USHBP1: variants seen among roughly 807,000 people sequenced by gnomAD.
USHBP1 encodes harmonin-binding protein USHBP1.
In USHBP1, 67 loss-of-function variants were observed where a neutral mutation model predicts 76.2. The ratio of observed to expected loss-of-function variants is 0.88; its 90% CI spans 0.72 to 1.08. The LOEUF (loss-of-function observed/expected upper bound fraction) is 1.08, where lower values mean the gene tolerates loss of function less well. Ranked by LOEUF, USHBP1 falls within the 50% of genes least tolerant of loss-of-function variation. The pLI, the probability that USHBP1 is intolerant of heterozygous loss-of-function variation, is 0.00. For missense variants in USHBP1, 931 were observed against 915.0 expected, an observed-to-expected ratio of 1.02 and a Z score of -0.23; for synonymous variants, 322 against 362.2, an observed-to-expected ratio of 0.89 and a Z score of 1.26.
intron 10 of USHBP1, among the ~76,000 whole-genome samples, chr19:17,252,298 C>T (rs186418097): frequency 1.6e-3 from 249 of 152,190 alleles, no homozygotes; most frequent in African/African-American, 5.8e-3. Flanking sequence ...CAGGTTCAAG[C>T]GATTCTCCTG....
rs371623262 is a variant in USHBP1 at position 17,264,100 on chromosome 19, A to G, written c.105T>C (p.Ser35=). Residue 35 remains serine, a synonymous_variant, in exon 3 of 13, where the codon AGT becomes AGC. Transcript: ENST00000252597. ...GGGCAAAGCTGGGCTTGGAGCTCCC[A>G]CTGGCTGCCTCGACCTCCTCTGAAC... is the stretch of plus-strand genomic sequence containing the variant. ...AESSEEVEAA[S]GSSKPSFAPP... 262 of 1,614,056 alleles carry G rather than the reference A, an allele frequency of 1.6e-4. No homozygotes were observed. The South Asian group carries it at 2.7e-3, about 17-fold the overall frequency.
At chr19:17,253,769 C>T (rs990909355) in intron 10 of USHBP1, among the ~76,000 whole-genome samples, 1 of 149,612 alleles carries the variant, frequency 6.7e-6, no homozygotes, top group African/African-American at 2.5e-5. Flanking sequence ...TGGTGCACGC[C>T]TGTAATTCCA....
rs1307461632 is a variant in USHBP1 at position 17,251,496 on chromosome 19, T to C, written c.1922+86A>G. The C allele has an allele frequency of 4.5e-6, 7 of 1,570,258 alleles. No homozygotes were observed. In the East Asian group the frequency reaches 1.6e-4, roughly 36 times the overall value. On this transcript the variant is annotated intron_variant, in intron 12 of 12. Coordinates refer to ENST00000252597, the MANE Select transcript of USHBP1 (RefSeq NM_031941.4). ...CCTATCTTGGGGCAGTGGGGAATGC[T>C]AAGGCCCAGAGACAGCCAGGGATAC...
chr19:17,251,680 C>T lies in USHBP1; in HGVS notation c.1824G>A (p.Leu608=), dbSNP rs142828605. Residue 608 remains leucine, a synonymous_variant, in exon 12 of 13, where the codon CTG becomes CTA. Transcript: ENST00000252597. The part of the protein sequence containing the change: ...LTRTLDLQEQ[L]QSLRRELEQV... The stretch of plus-strand genomic sequence containing the variant: ...GTTCCAGCTCCCTGCGCAGAGACTG[C>T]AGCTGCTCCTGCAGGTCCAGTGTCC... 4.7e-3 allele frequency: 7,606 copies of T among 1,613,642 alleles called. 24 individuals are homozygous for T. The highest frequency in any genetic ancestry group is 5.8e-3 in the Non-Finnish European group (6,871 of 1,179,990).
chr19:17,256,512 G>T lies in USHBP1; in HGVS notation c.1429C>A (p.Leu477Met), dbSNP rs1317093225. The change falls in exon 9 of 13, where the codon CTG becomes ATG. Residue 477 changes from leucine to methionine, a missense_variant. Transcript: ENST00000252597. ...TCCTGCTGAATTTGTGTCTTCTCCAGTCGGGGAAGAGCTGGGCCAGCCTGG... is the reference window on the plus strand; with the variant it reads ...TCCTGCTGAATTTGTGTCTTCTCCATTCGGGGAAGAGCTGGGCCAGCCTGG... ...GTQAGPALPRLEKTQIQQDLV... is the reference protein window; with the variant it reads ...GTQAGPALPRMEKTQIQQDLV... 2 of 1,613,814 alleles carry T rather than the reference G, an allele frequency of 1.2e-6. No homozygotes were observed. Among genetic ancestry groups the T allele is most frequent in the African/African-American group, 2.7e-5 (2 of 74,888 alleles).
At chr19:17,258,525 A>T in intron 7 of USHBP1, 140 bp from the exon 8 acceptor site, 1 of 853,680 alleles carries the variant, frequency 1.2e-6, no homozygotes, top group Non-Finnish European at 1.8e-6. Flanking sequence ...CCTGACCAAC[A>T]TGGTGAAACC....
chr19:17,254,271 C>T (rs1270560957), intron 10 of USHBP1, among the ~76,000 whole-genome samples: 4 of 150,482 alleles, frequency 2.7e-5, no homozygotes, highest in African/African-American at 2.4e-5. Flanking sequence ...GGCGTGAACC[C>T]GGGAGGCGGA....
At chr19:17,260,945 G>A (rs1403842412) in intron 4 of USHBP1, among the ~76,000 whole-genome samples, 3 of 152,094 alleles carry the variant, frequency 2.0e-5, no homozygotes, top group Admixed American at 1.3e-4. Flanking sequence ...GAATCCGTCC[G>A]CATCTCTCCA....
rs1251904707 is a variant in USHBP1 at position 17,254,296 on chromosome 19, G to A, written c.1692+1089C>T. 4.7e-5 allele frequency among the ~76,000 whole-genome samples: 7 copies of A among 147,872 alleles called. No homozygotes were observed. In the East Asian group the frequency reaches 1.0e-3, roughly 22 times the overall value. ...CGGGAGGCGGAGCTTGCAGTGAGCC[G>A]AGATTGCACCACTGCACTCCAGCCT... On this transcript the variant is annotated intron_variant, in intron 10 of 12. Transcript: ENST00000252597.
Position 17,256,532 on chromosome 19 carries a change from G to C in USHBP1, c.1409C>G (p.Ala470Gly), listed in dbSNP as rs1568324553. 6.2e-7 allele frequency: 1 copy of C among 1,614,076 alleles called. No individual in the cohort carries two copies. Among genetic ancestry groups the C allele is most frequent in the East Asian group, 2.2e-5 (1 of 44,878 alleles). ...AMVQAILGTQ[A>G]GPALPRLEKT... is the part of the protein sequence containing the mutation. ...CTCCAGTCGGGGAAGAGCTGGGCCA[G>C]CCTGGGTCCCCAGAATGGCCTGCAC... Residue 470 changes from alanine to glycine, a missense_variant, in exon 9 of 13, where the codon GCT becomes GGT. Physicochemically the swap from Ala to Gly is moderately conservative, Grantham distance 60. Coordinates refer to ENST00000252597, the MANE Select transcript of USHBP1 (RefSeq NM_031941.4).
Position 17,264,086 on chromosome 19 carries a change from G to A in USHBP1, c.119C>T (p.Pro40Leu), listed in dbSNP as rs755213193. The change falls in exon 3 of 13, where the codon CCC becomes CTC. Residue 40 changes from proline to leucine, a missense_variant. Pro to Leu is a moderately conservative substitution (Grantham distance 98). Coordinates refer to ENST00000252597, the MANE Select transcript of USHBP1 (RefSeq NM_031941.4). ...GCTCACCGGAGGTGGGGCAAAGCTG[G>A]GCTTGGAGCTCCCACTGGCTGCCTC... Reference protein sequence around the residue: ...EVEAASGSSKPSFAPPPVSSG... With the variant: ...EVEAASGSSKLSFAPPPVSSG... 3 of 1,614,024 alleles carry A rather than the reference G, an allele frequency of 1.9e-6. 1 individual carries two copies. In the South Asian group the frequency reaches 3.3e-5, roughly 18 times the overall value.
chr19:17,255,934 G>T (rs117666838), intron 9 of USHBP1, among the ~76,000 whole-genome samples: 1 of 152,268 alleles, frequency 6.6e-6, no homozygotes, highest in East Asian at 1.9e-4. Context: ...CCGGCAGTGG[G>T]GCAGAGGCTG....
chr19:17,253,618 C>T (rs142906702), intron 10 of USHBP1, among the ~76,000 whole-genome samples: 5,720 of 146,910 alleles, frequency 0.039, 171 homozygotes, highest in South Asian at 0.12. Context: ...TTAGGCTGGA[C>T]GTGGTGGCTC....
intron 4 of USHBP1, among the ~76,000 whole-genome samples, chr19:17,261,537 T>C (rs1328875154): frequency 2.0e-5 from 3 of 151,594 alleles, no homozygotes; most frequent in Non-Finnish European, 2.9e-5. Flanking sequence ...GTTTTCACCG[T>C]GTTAGCCAGG....
chr19:17,253,809 G>A (rs929222549), intron 10 of USHBP1, among the ~76,000 whole-genome samples: 6 of 148,792 alleles, frequency 4.0e-5, no homozygotes, highest in Non-Finnish European at 7.4e-5. Flanking sequence ...CAGGAGAATC[G>A]CTTGAACCTG....
In USHBP1 at chr19:17,264,059, G is replaced by C. The variant is rs2073723142; in HGVS notation, c.146C>G (p.Ser49Cys). ...CATGGGGCCCAGCTGCTCCAGCCCG[G>C]AGCTCACCGGAGGTGGGGCAAAGCT... ...KPSFAPPPVSSGLEQLGPMEE... is the reference protein window; with the variant it reads ...KPSFAPPPVSCGLEQLGPMEE... The change falls in exon 3 of 13, where the codon TCC (serine) becomes TGC (cysteine). Residue 49 changes from serine (S) to cysteine (C), a missense_variant. Transcript: ENST00000252597. 1 of 1,613,376 alleles carries C rather than the reference G, an allele frequency of 6.2e-7. No homozygotes were observed. Among genetic ancestry groups the C allele is most frequent in the Non-Finnish European group, 8.5e-7 (1 of 1,179,664 alleles).
intron 8 of USHBP1, among the ~76,000 whole-genome samples, chr19:17,257,642 C>CAAAAA (rs778148447): frequency 1.5e-4 from 6 of 39,562 alleles, no homozygotes; most frequent in Admixed American, 2.7e-4. Flanking sequence ...AACTCTGTCT[C>CAAAAA]AAAAAAAAAA....
rs959665738 is a variant in USHBP1, at chr19:17,264,728, G to A, written c.-106C>T. On this transcript the variant is annotated 5_prime_UTR_variant, in exon 1 of 13. Coordinates refer to ENST00000252597, the MANE Select transcript of USHBP1 (RefSeq NM_031941.4). ...GGCCTGAGTCCCGGGACACTCTGTT[G>A]GGGTCACTCTGACCACTGCCTGTTC... is the stretch of plus-strand genomic sequence containing the variant. 1.6e-5 allele frequency: 3 copies of A among 185,420 alleles called. No individual in the cohort carries two copies. The highest frequency in any genetic ancestry group is 2.4e-3 in the Middle Eastern group (1 of 418). The allele number at this position is 185,420 out of a possible 1,614,324, so 11.5% of individuals were successfully genotyped here.
intron 10 of USHBP1, among the ~76,000 whole-genome samples, chr19:17,253,887 C>T (rs1285287555): frequency 1.1e-4 from 16 of 143,322 alleles, no homozygotes; most frequent in Middle Eastern, 7.6e-3. Flanking sequence ...GAGCAAGATC[C>T]GTTTCCCAAA....
Sources: allele counts gnomAD v4.1 joint callset (sites outside exome capture counted in the v4.1 genomes callset), GRCh38; gene constraint gnomAD v4.1.1; transcripts MANE v1.5; gene names NCBI Gene and HGNC (gene_info 2026-07-23, HGNC 2026-07-21).